CAST: variants seen among roughly 807,000 people sequenced by gnomAD.
CAST encodes calpastatin.
CAST carries 76 observed loss-of-function variants against 119.6 expected under a neutral mutation model. The observed-to-expected ratio is 0.64, with a 90% CI of 0.53 to 0.77. CAST has a LOEUF of 0.77. Ranked by LOEUF, CAST falls within the 30% of genes least tolerant of loss-of-function variation. The pLI is 0.00. For missense variants in CAST, 953 were observed against 946.5 expected (o/e 1.01, Z -0.09); for synonymous variants, 319 against 331.6 (o/e 0.96, Z 0.41).
the CAST span, among the ~76,000 whole-genome samples, chr5:95,964,325 A>G: frequency 6.6e-6 from 1 of 152,210 alleles, no homozygotes; most frequent in Admixed American, 6.5e-5. Flanking sequence ...GCCATTTTAT[A>G]CATATTTTCT....
chr5:96,478,830 G>T, the CAST span, among the ~76,000 whole-genome samples: 2 of 152,168 alleles, frequency 1.3e-5, no homozygotes, highest in African/African-American at 4.8e-5. Flanking sequence ...GGAGCTCAAA[G>T]CTCAACTCGG....
intron 29 of CAST, chr5:96,768,347 G>T (rs746488538): frequency 9.1e-6 from 4 of 438,824 alleles, no homozygotes; most frequent in South Asian, 6.8e-5. Flanking sequence ...ACCTCCCAAA[G>T]TACTGGGATT....
At chr5:95,979,585 T>C in the CAST span, among the ~76,000 whole-genome samples, 3 of 152,316 alleles carry the variant, frequency 2.0e-5, no homozygotes, top group South Asian at 4.1e-4. Context: ...AAAATTATTT[T>C]TGGAAAAAGT....
intron 4 of CAST, among the ~76,000 whole-genome samples, chr5:96,723,068 G>C (rs1462211877): frequency 6.6e-6 from 1 of 152,020 alleles, no homozygotes; most frequent in African/African-American, 2.4e-5. Context: ...TCGGCCTCTT[G>C]AGTAGCTGGG....
chr5:96,624,654 G>A (rs1012191606), intron 1 of CAST, among the ~76,000 whole-genome samples: 9 of 152,120 alleles, frequency 5.9e-5, no homozygotes, highest in African/African-American at 2.2e-4. Flanking sequence ...AGGCTTCTTA[G>A]CATTGCACCC....
At chr5:96,396,208 C>G in the CAST span, among the ~76,000 whole-genome samples, 1 of 152,206 alleles carries the variant, frequency 6.6e-6, no homozygotes, top group Non-Finnish European at 1.5e-5. Context: ...TAACAAACGA[C>G]TATAGAATTT....
the CAST span, among the ~76,000 whole-genome samples, chr5:96,380,082 C>T: frequency 1.5e-4 from 23 of 152,250 alleles, no homozygotes; most frequent in African/African-American, 5.5e-4. Context: ...AATTATCATG[C>T]GCACAACCCT....
chr5:96,467,849 AGATCTACTGTTC>A, the CAST span, among the ~76,000 whole-genome samples: 1 of 152,146 alleles, frequency 6.6e-6, no homozygotes, highest in Non-Finnish European at 1.5e-5. Flanking sequence ...AACTAAAAGT[AGATCTACTGTTC>A]GATCCAGCAA....
At chr5:96,151,172 T>A in the CAST span, among the ~76,000 whole-genome samples, 1 of 152,188 alleles carries the variant, frequency 6.6e-6, no homozygotes, top group Non-Finnish European at 1.5e-5. Flanking sequence ...GTGATAGCTA[T>A]GGGACTGGTG....
the CAST span, among the ~76,000 whole-genome samples, chr5:96,095,556 CAA>C: frequency 7.2e-3 from 412 of 57,470 alleles, no homozygotes; most frequent in African/African-American, 0.03. Context: ...GACTCTGTTT[CAA>C]AAAAAAAAAA....
the CAST span, among the ~76,000 whole-genome samples, chr5:96,291,713 A>G: frequency 1.3e-5 from 2 of 152,018 alleles, no homozygotes; most frequent in African/African-American, 2.4e-5. Context: ...TTAGCTTTCT[A>G]TAGTTTCTTC....
At chr5:96,146,046 C>T in the CAST span, among the ~76,000 whole-genome samples, 5 of 152,290 alleles carry the variant, frequency 3.3e-5, no homozygotes, top group East Asian at 9.6e-4. Context: ...TCACTTCTGC[C>T]ACATTCCAAT....
intron 3 of CAST, among the ~76,000 whole-genome samples, chr5:96,705,274 T>G (rs1456104855): frequency 6.6e-6 from 1 of 152,040 alleles, no homozygotes; most frequent in Non-Finnish European, 1.5e-5. Context: ...GCTGTGATTG[T>G]GCTGCTGCAC....
rs1203934993 is a variant in CAST, at chr5:96,740,070, G to A, written c.831G>A (p.Leu277=). 9 of 1,581,686 alleles carry A rather than the reference G, an allele frequency of 5.7e-6. No homozygotes were observed. The highest frequency in any genetic ancestry group is 7.8e-6 in the Non-Finnish European group (9 of 1,156,602). ...DPMSSTYIEE[L]GKREVTIPPK... is the part of the protein sequence containing the mutation. ...TGAGTTCCACCTACATAGAGGAATT[G>A]GGTAAAAGAGAAGTCACAATTCCTC... Residue 277 remains leucine (L), a synonymous_variant, in exon 12 of 32, where the codon TTG becomes TTA. Coordinates refer to ENST00000675179, the MANE Select transcript of CAST (RefSeq NM_001750.7).
intron 1 of CAST, among the ~76,000 whole-genome samples, chr5:96,633,107 G>T (rs376063139): frequency 3.9e-5 from 6 of 152,024 alleles, no homozygotes; most frequent in Admixed American, 3.3e-4. Flanking sequence ...GAGTAGCTGG[G>T]ATTACAGGTG....
chr5:96,303,911 C>T, the CAST span, among the ~76,000 whole-genome samples: 5 of 152,084 alleles, frequency 3.3e-5, no homozygotes, highest in South Asian at 2.1e-4. Flanking sequence ...AATAAACATA[C>T]GTGTGCTTAA....
At chr5:96,672,306 C>G (rs910071896) in intron 1 of CAST, among the ~76,000 whole-genome samples, 1 of 152,008 alleles carries the variant, frequency 6.6e-6, no homozygotes, top group African/African-American at 2.4e-5. Flanking sequence ...AATATGGCAA[C>G]AATGTTAATA....
At chr5:96,235,740 G>A in the CAST span, among the ~76,000 whole-genome samples, 15 of 152,224 alleles carry the variant, frequency 9.9e-5, no homozygotes, top group Admixed American at 2.0e-4. Context: ...CCCTCTGGGG[G>A]AAGAAAATTC....
chr5:96,494,893 G>A, the CAST span, among the ~76,000 whole-genome samples: 154 of 152,168 alleles, frequency 1.0e-3, no homozygotes, highest in African/African-American at 3.5e-3. Flanking sequence ...CAAGGCGGGC[G>A]GATCACGAGG....
Sources: allele counts gnomAD v4.1 joint callset (sites outside exome capture counted in the v4.1 genomes callset), GRCh38; gene constraint gnomAD v4.1.1; transcripts MANE v1.5; gene names NCBI Gene and HGNC (gene_info 2026-07-23, HGNC 2026-07-21).